The following ATN1 variants were observed in gnomAD, a reference collection of about 807,000 sequenced individuals.
ATN1 encodes atrophin-1.
A neutral mutation model predicts 85.8 loss-of-function variants in ATN1; 19 were observed. The observed-to-expected ratio is 0.22, with a 90% CI of 0.15 to 0.32. The LOEUF is 0.32. ATN1 is among the 10% of genes least tolerant of loss of function. The pLI, the probability that ATN1 is intolerant of heterozygous loss-of-function variation, is 1.00. For missense variants in ATN1, 1,453 were observed against 1,564.5 expected (o/e 0.93, Z 1.20); for synonymous variants, 674 against 657.0 (o/e 1.03, Z -0.39).
intron 1 of ATN1, among the ~76,000 whole-genome samples, 185 bp from the exon 2 acceptor site, chr12:6,933,655 A>G (rs1165530841): frequency 2.0e-5 from 3 of 152,208 alleles, no homozygotes; most frequent in African/African-American, 7.2e-5. Flanking sequence ...TTCGAGCAGA[A>G]TCTGCCTCCC....
At chr12:6,927,457 GC>G (rs1261864049), upstream of ATN1, among the ~76,000 whole-genome samples, 1 of 150,566 alleles carries the variant, frequency 6.6e-6, no homozygotes, top group Non-Finnish European at 1.5e-5. Context: ...CTTCACCTCT[GC>G]CACAGACCCG....
chr12:6,935,013 G>A lies in ATN1; in HGVS notation c.279+435G>A, dbSNP rs1375414764. Among the ~76,000 whole-genome samples, 5 of 152,006 alleles carry A rather than the reference G, an allele frequency of 3.3e-5. No individual in the cohort carries two copies. The highest frequency in any genetic ancestry group is 5.9e-5 in the Non-Finnish European group (4 of 67,992). Reference sequence around the variant, plus strand: ...TCAAACAATTGTGCCTCAGCCTCCCGAGTGGCTGGGATTATAGGCATGAGC... The same window carrying A: ...TCAAACAATTGTGCCTCAGCCTCCCAAGTGGCTGGGATTATAGGCATGAGC... On this transcript the variant is annotated intron_variant, in intron 4 of 9. Transcript: ENST00000396684. The surrounding 1 kb of genome is among the most constrained non-coding windows in gnomAD (Gnocchi z 5.3).
chr12:6,936,958 A>G lies in ATN1; in HGVS notation c.1691A>G (p.Asn564Ser), dbSNP rs1555143841. 1.4e-5 allele frequency: 23 copies of G among 1,613,694 alleles called. No homozygotes were observed. The highest frequency in any genetic ancestry group is 4.4e-5 in the South Asian group (4 of 91,068). ...SQVSYSQAGP[N>S]GPPVSSSSNS... is the part of the protein sequence containing the mutation. ...GTGTCCTACAGCCAAGCAGGCCCCA[A>G]TGGCCCTCCAGTCTCTTCCTCTTCC... is the stretch of plus-strand genomic sequence containing the variant. The change falls in exon 5 of 10, where the codon AAT (asparagine) becomes AGT (serine). Residue 564 changes from asparagine to serine, a missense_variant. Asn to Ser is a conservative substitution (Grantham distance 46, BLOSUM62 1). Around this residue, in one of 6 missense-constraint regions of ATN1, gnomAD observed 990 missense variants for 914.8 expected, o/e 1.08. Coordinates refer to ENST00000396684, the MANE Select transcript of ATN1 (RefSeq NM_001940.4).
chr12:6,933,971 AGAG>A lies in ATN1; in HGVS notation c.-27_-25del. 1 of 1,595,544 alleles carries A rather than the reference AGAG, an allele frequency of 6.3e-7. No homozygotes were observed. Among genetic ancestry groups the A allele is most frequent in the Non-Finnish European group, 8.5e-7 (1 of 1,170,950 alleles). ...AGTTTCTGTATTCAGCTGCCCAGGC[AGAG>A]GAGAATGGGGTCTCCACAGCCTGAA... On this transcript the variant is annotated 5_prime_UTR_variant, in exon 2 of 10. Transcript: ENST00000396684.
intron 1 of ATN1, among the ~76,000 whole-genome samples, chr12:6,928,939 C>T (rs1555142859): frequency 1.3e-5 from 2 of 152,066 alleles, no homozygotes; most frequent in Admixed American, 6.6e-5. Context: ...GCTGATGAAC[C>T]TGGGGGAGAC....
Position 6,941,794 on chromosome 12 carries a change from GA to G in ATN1, c.*15del. ...AAGCCACTGTAGAACCTGCGATCAA[GA>G]GAGCACCATGGCTCCTACATTGGAC... On this transcript the variant is annotated 3_prime_UTR_variant, in exon 10 of 10. Transcript: ENST00000396684. The surrounding 1 kb of genome is among the most constrained non-coding windows in gnomAD (Gnocchi z 5.9). The G allele has an allele frequency of 6.2e-7, 1 of 1,613,862 alleles. No homozygotes were observed. Among genetic ancestry groups the G allele is most frequent in the Non-Finnish European group, 8.5e-7 (1 of 1,179,794 alleles).
rs375818219 is a variant in ATN1, at chr12:6,934,238, G to A, written c.90G>A (p.Arg30=). ...APGPREELRS[R]GRASPGGVST... ...GGCCCCGGGAAGAACTGAGATCGAG[G>A]GGCCGGGCCTCCCCTGGAGGGGTCA... The change falls in exon 3 of 10, where the codon AGG becomes AGA. Residue 30 remains arginine, a synonymous_variant. Coordinates refer to ENST00000396684, the MANE Select transcript of ATN1 (RefSeq NM_001940.4). The surrounding 1 kb of genome is among the most constrained non-coding windows in gnomAD (Gnocchi z 4.5). The A allele has an allele frequency of 1.2e-4, 197 of 1,587,652 alleles. No homozygotes were observed. The highest frequency in any genetic ancestry group is 1.6e-4 in the Non-Finnish European group (191 of 1,173,716).
Position 6,937,066 on chromosome 12 carries a change from C to T in ATN1, c.1799C>T (p.Pro600Leu), listed in dbSNP as rs1369150661. The T allele has an allele frequency of 6.2e-7, 1 of 1,613,684 alleles. No homozygotes were observed. Among genetic ancestry groups the T allele is most frequent in the Non-Finnish European group, 8.5e-7 (1 of 1,180,028 alleles). ...CAGGGCCCTCAAGGGGCGCCCTACC[C>T]TTTCCCACCGGTGCCTACGGTCACC... ...PSQGPQGAPYPFPPVPTVTTS... is the reference protein window; with the variant it reads ...PSQGPQGAPYLFPPVPTVTTS... The change falls in exon 5 of 10, where the codon CCT becomes CTT. Residue 600 changes from proline to leucine, a missense_variant. Coordinates refer to ENST00000396684, the MANE Select transcript of ATN1 (RefSeq NM_001940.4). The surrounding 1 kb of genome is among the most constrained non-coding windows in gnomAD (Gnocchi z 6.0).
chr12:6,937,906 C>T lies in ATN1; in HGVS notation c.2356C>T (p.Pro786Ser), dbSNP rs1555144083. ...SCARSDLYFV[P>S]LEGSKLAKKR... ...CGCGCGCAGCGACCTGTACTTCGTGCCACTGGAGGGCTCCAAGCTGGCCAA... is the reference window on the plus strand; with the variant it reads ...CGCGCGCAGCGACCTGTACTTCGTGTCACTGGAGGGCTCCAAGCTGGCCAA... Residue 786 changes from proline (P) to serine (S), a missense_variant, in exon 6 of 10, where the codon CCA (proline) becomes TCA (serine). Pro to Ser is a moderately conservative substitution (Grantham distance 74). Coordinates refer to ENST00000396684, the MANE Select transcript of ATN1 (RefSeq NM_001940.4). The surrounding 1 kb of genome is among the most constrained non-coding windows in gnomAD (Gnocchi z 6.0). 1 of 1,597,448 alleles carries T rather than the reference C, an allele frequency of 6.3e-7. No individual in the cohort carries two copies. The highest frequency in any genetic ancestry group is 8.5e-7 in the Non-Finnish European group (1 of 1,172,648).
Position 6,941,024 on chromosome 12 carries a change from G to A in ATN1, c.3358+1G>A. The A allele has an allele frequency of 1.2e-6, 2 of 1,614,074 alleles. No homozygotes were observed. The highest frequency in any genetic ancestry group is 2.2e-5 in the East Asian group (1 of 44,880). ...GAAGTTCTTCGTCACCAGCTCTTTG[G>A]TAAGGATGGAAGTTGGGGTAGGCAG... On this transcript the variant is annotated splice_donor_variant, in intron 8 of 9. Coordinates refer to ENST00000396684, the MANE Select transcript of ATN1 (RefSeq NM_001940.4). LOFTEE classifies it high-confidence loss of function. This position sits in a 1 kb window ranked among gnomAD's most constrained non-coding sequence, Gnocchi z 5.9.
Position 6,936,594 on chromosome 12 carries a change from C to A in ATN1, c.1327C>A (p.Pro443Thr). Residue 443 changes from proline to threonine, a missense_variant, in exon 5 of 10, where the codon CCA becomes ACA. By Grantham distance (38) the Pro-to-Thr change is conservative. Around this residue, in one of 6 missense-constraint regions of ATN1, gnomAD observed 990 missense variants for 914.8 expected, o/e 1.08. Transcript: ENST00000396684. ...CCAGGCTGTGTGGAGCCAGGGTCCC[C>A]CACCACCTCCTCCCTATGGCCGCCT... ...PSQAVWSQGP[P>T]PPPPYGRLLA... 1 of 1,611,430 alleles carries A rather than the reference C, an allele frequency of 6.2e-7. No individual in the cohort carries two copies. Among genetic ancestry groups the A allele is most frequent in the South Asian group, 1.1e-5 (1 of 90,950 alleles).
intron 7 of ATN1, 93 bp downstream of exon 7, chr12:6,939,270 CCCTGG>C: frequency 6.9e-7 from 1 of 1,449,694 alleles, no homozygotes. Context: ...GACTTTCCTC[CCCTGG>C]CCTGGCATGA....
At position 6,937,524 on chromosome 12, in the gene ATN1, G is replaced by A; in HGVS notation, c.2257G>A (p.Val753Met). Reference sequence around the variant, plus strand: ...CCGCAGCCCCTCGCCCCCTCCCAAGGTGGTAGATGTACCCAGCCATGCCAG... The same window carrying A: ...CCGCAGCCCCTCGCCCCCTCCCAAGATGGTAGATGTACCCAGCCATGCCAG... ...PARSPSPPPK[V>M]VDVPSHASQS... is the part of the protein sequence containing the mutation. The change falls in exon 5 of 10, where the codon GTG becomes ATG. Residue 753 changes from valine (V) to methionine (M), a missense_variant. By Grantham distance (21) the Val-to-Met change is conservative. This residue lies in a region of ATN1 where 990 missense variants were observed against 914.8 expected (regional missense o/e 1.08). Transcript: ENST00000396684. The surrounding 1 kb of genome is among the most constrained non-coding windows in gnomAD (Gnocchi z 6.0). 1 of 1,535,026 alleles carries A rather than the reference G, an allele frequency of 6.5e-7. No homozygotes were observed.
At chr12:6,925,146 G>GA (rs1945387733), upstream of ATN1, among the ~76,000 whole-genome samples, 1 of 139,930 alleles carries the variant, frequency 7.1e-6, no homozygotes, top group Admixed American at 6.9e-5. Context: ...GTGTGTGAGA[G>GA]AGAGAGAGAG....
chr12:6,941,269 T>C lies in ATN1; in HGVS notation c.3359-105T>C. The C allele has an allele frequency of 7.1e-7, 1 of 1,416,892 alleles. No homozygotes were observed. The highest frequency in any genetic ancestry group is 9.6e-7 in the Non-Finnish European group (1 of 1,047,042). The allele number at this position is 1,416,892 out of a possible 1,614,324, so 87.8% of individuals were successfully genotyped here. ...TACAGAACTGGGTGTGTTACCTCAC[T>C]TTTTAGTTCATTACCTTTGTATGTA... On this transcript the variant is annotated intron_variant, in intron 8 of 9. Transcript: ENST00000396684. This position sits in a 1 kb window ranked among gnomAD's most constrained non-coding sequence, Gnocchi z 5.9.
rs369375027 is a variant in ATN1 at position 6,941,594 on chromosome 12, C to A, written c.3539+40C>A. The stretch of plus-strand genomic sequence containing the variant: ...CCCAGCCCAGGGGACATGGGCTCAG[C>A]GAGCCTGGGAGGAGCTGTGGGCATG... On this transcript the variant is annotated intron_variant, in intron 9 of 9. Transcript: ENST00000396684. The surrounding 1 kb of genome is among the most constrained non-coding windows in gnomAD (Gnocchi z 5.9). 10 of 1,609,020 alleles carry A rather than the reference C, an allele frequency of 6.2e-6. No individual in the cohort carries two copies. The Admixed American group carries it at 8.4e-5, about 14-fold the overall frequency.
In ATN1 at chr12:6,936,592, C is replaced by G. The variant is rs782528418; in HGVS notation, c.1325C>G (p.Pro442Arg). The change falls in exon 5 of 10, where the codon CCC becomes CGC. Residue 442 changes from proline to arginine, a missense_variant. By Grantham distance (103) the Pro-to-Arg change is moderately radical. Transcript: ENST00000396684. The stretch of plus-strand genomic sequence containing the variant: ...TCCCAGGCTGTGTGGAGCCAGGGTC[C>G]CCCACCACCTCCTCCCTATGGCCGC... ...LPSQAVWSQG[P>R]PPPPPYGRLL... 11 of 1,611,170 alleles carry G rather than the reference C, an allele frequency of 6.8e-6. No homozygotes were observed. Among genetic ancestry groups the G allele is most frequent in the Non-Finnish European group, 9.3e-6 (11 of 1,178,620 alleles).
chr12:6,941,636 T>A lies in ATN1; in HGVS notation c.3539+82T>A. On this transcript the variant is annotated intron_variant, in intron 9 of 9. Coordinates refer to ENST00000396684, the MANE Select transcript of ATN1 (RefSeq NM_001940.4). This position sits in a 1 kb window ranked among gnomAD's most constrained non-coding sequence, Gnocchi z 5.9. ...GTGGGCATGGTACGGCTGGGCACCG[T>A]GCTCCTGGGGGAGGGAACCCCTCCT... 6.3e-7 allele frequency: 1 copy of A among 1,598,034 alleles called. No homozygotes were observed. The highest frequency in any genetic ancestry group is 8.6e-7 in the Non-Finnish European group (1 of 1,166,348).
chr12:6,937,739 G>T lies in ATN1; in HGVS notation c.2295-106G>T, dbSNP rs1452198721. The T allele has an allele frequency of 6.0e-5, 88 of 1,457,996 alleles. No individual in the cohort carries two copies. Among genetic ancestry groups the T allele is most frequent in the Non-Finnish European group, 7.7e-5 (85 of 1,108,080 alleles). The allele number at this position is 1,457,996 out of a possible 1,614,324, so 90.3% of individuals were successfully genotyped here. A position where few individuals can be genotyped will look rare whatever the true frequency, so the allele number is the denominator to read the frequency against. On this transcript the variant is annotated intron_variant, in intron 5 of 9. Transcript: ENST00000396684. This position sits in a 1 kb window ranked among gnomAD's most constrained non-coding sequence, Gnocchi z 6.0. ...CCCGCAGCAGCTCACAGCCTGCAGG[G>T]GTGGTTTTGAGGCGGGGGCTACAAG...
Sources: gnomAD v4.1 joint callset for allele counts (sites outside exome capture counted in the v4.1 genomes callset) on GRCh38, gnomAD v4.1.1 for gene constraint, gnomAD v4.1.1 regional missense constraint, Gnocchi (gnomAD v3.1) non-coding constraint, MANE v1.5 for transcripts, NCBI Gene and HGNC (gene_info 2026-07-23, HGNC 2026-07-21) for gene names.